The following SCMH1 variants were observed in gnomAD, a reference collection of about 807,000 sequenced individuals.
The protein encoded by SCMH1 is Scm polycomb group protein homolog 1, also known as polycomb protein SCMH1.
In SCMH1, 37 loss-of-function variants were observed where a neutral mutation model predicts 70.8. The ratio of observed to expected loss-of-function variants is 0.52; its 90% CI spans 0.40 to 0.69. The LOEUF (loss-of-function observed/expected upper bound fraction) is 0.69. Among genes scored for constraint, SCMH1 ranks in the 30% least tolerant of loss-of-function variants. The pLI, the probability that SCMH1 is intolerant of heterozygous loss-of-function variation, is 0.00. For synonymous variants in SCMH1, 292 were observed against 307.4 expected, an observed-to-expected ratio of 0.95 and a Z score of 0.52; for missense variants, 607 against 827.3, an observed-to-expected ratio of 0.73 and a Z score of 3.27.
At chr1:41,185,064 C>T (rs568714047) in intron 2 of SCMH1, among the ~76,000 whole-genome samples, 2 of 152,270 alleles carry the variant, frequency 1.3e-5, no homozygotes, top group South Asian at 4.1e-4. Flanking sequence ...GTAGCTTCCT[C>T]TTAAATCTTG....
chr1:41,236,241 G>T (rs1335652415), intron 1 of SCMH1, among the ~76,000 whole-genome samples: 1 of 152,188 alleles, frequency 6.6e-6, no homozygotes, highest in Non-Finnish European at 1.5e-5. Context: ...TAATGGTCCA[G>T]ATATAGTGGA....
At chr1:41,085,636 A>C (rs1661385635) in intron 8 of SCMH1, among the ~76,000 whole-genome samples, 1 of 152,196 alleles carries the variant, frequency 6.6e-6, no homozygotes, top group Non-Finnish European at 1.5e-5. Context: ...AGCACTAGAC[A>C]CATGTGGCTC....
At chr1:41,077,602 T>C (rs1045110691) in intron 8 of SCMH1, among the ~76,000 whole-genome samples, 54 of 152,058 alleles carry the variant, frequency 3.6e-4, no homozygotes, top group African/African-American at 1.3e-3. Flanking sequence ...CTCTCAAGGG[T>C]AGGACAATCT....
chr1:41,130,426 CT>C (rs1674367846), intron 6 of SCMH1, among the ~76,000 whole-genome samples: 1 of 151,918 alleles, frequency 6.6e-6, no homozygotes, highest in African/African-American at 2.4e-5. Flanking sequence ...GTTGCCTGTG[CT>C]TTTGGTGTCA....
intron 11 of SCMH1, among the ~76,000 whole-genome samples, chr1:41,047,889 C>T (rs1047794788): frequency 7.9e-5 from 12 of 152,184 alleles, no homozygotes; most frequent in African/African-American, 1.2e-4. Flanking sequence ...CTATTCTCCC[C>T]TTCTCCTGAC....
At chr1:41,095,317 C>T (rs1383580141) in intron 8 of SCMH1, among the ~76,000 whole-genome samples, 4 of 152,132 alleles carry the variant, frequency 2.6e-5, no homozygotes, top group African/African-American at 9.7e-5. Flanking sequence ...AAAACAGAGG[C>T]TAACCTATAT....
chr1:41,141,585 A>G (rs111985769), intron 6 of SCMH1, among the ~76,000 whole-genome samples: 12 of 152,332 alleles, frequency 7.9e-5, no homozygotes, highest in Admixed American at 2.0e-4. Flanking sequence ...TTAGCTACCA[A>G]TTTTAGGAAC....
At chr1:41,078,964 T>C (rs926641773) in intron 8 of SCMH1, among the ~76,000 whole-genome samples, 2 of 152,230 alleles carry the variant, frequency 1.3e-5, no homozygotes, top group Non-Finnish European at 2.9e-5. Flanking sequence ...GTGACAGTAA[T>C]AGCACAGAGG....
Position 41,113,645 on chromosome 1 carries a change from A to G in SCMH1, c.502-119T>C. 1.1e-6 allele frequency: 1 copy of G among 898,650 alleles called. No individual in the cohort carries two copies. Among genetic ancestry groups the G allele is most frequent in the Non-Finnish European group, 1.5e-6 (1 of 653,254 alleles). The allele number at this position is 898,650 out of a possible 1,614,324, so 55.7% of individuals were successfully genotyped here. On this transcript the variant is annotated intron_variant, in intron 7 of 14. Coordinates refer to ENST00000337495, the Ensembl canonical transcript of SCMH1. The surrounding 1 kb of genome is among the most constrained non-coding windows in gnomAD (Gnocchi z 4.3). Reference sequence around the variant, plus strand: ...GCTACATGAGACTTATAATGGATATATAGCCTTTCTTTTAAATTAATTTTA... The same window carrying G: ...GCTACATGAGACTTATAATGGATATGTAGCCTTTCTTTTAAATTAATTTTA...
intron 13 of SCMH1, among the ~76,000 whole-genome samples, chr1:41,029,519 C>T (rs1571104549): frequency 6.6e-6 from 1 of 152,312 alleles, no homozygotes; most frequent in South Asian, 2.1e-4. Context: ...TTTGCTTTGG[C>T]TGCCAGGAAT....
intron 8 of SCMH1, among the ~76,000 whole-genome samples, chr1:41,078,270 AAT>A (rs921187690): frequency 2.1e-4 from 32 of 152,188 alleles, no homozygotes; most frequent in African/African-American, 7.7e-4. Context: ...ATAGGTCCAA[AAT>A]ATGAGTGGCT....
chr1:41,140,095 G>C lies in SCMH1; in HGVS notation c.412+2783C>G, dbSNP rs1411679657. 2.6e-5 allele frequency among the ~76,000 whole-genome samples: 4 copies of C among 152,074 alleles called. No homozygotes were observed. The East Asian group carries it at 5.8e-4, about 22-fold the overall frequency. On this transcript the variant is annotated intron_variant, in intron 6 of 14. Coordinates refer to ENST00000337495, the Ensembl canonical transcript of SCMH1. ...TGTTAATAATCAAACTGGTGGTAGT[G>C]TTGGTATTGTTATTCTGAGACTGTT...
intron 1 of SCMH1, among the ~76,000 whole-genome samples, chr1:41,212,299 T>C (rs955309963): frequency 8.5e-5 from 13 of 152,252 alleles, no homozygotes; most frequent in African/African-American, 2.9e-4. Context: ...ATTTTAGCTT[T>C]TCATTCCCTA....
At chr1:41,206,694 C>T (rs1051273412) in intron 1 of SCMH1, among the ~76,000 whole-genome samples, 9 of 152,040 alleles carry the variant, frequency 5.9e-5, no homozygotes, top group African/African-American at 1.9e-4. Flanking sequence ...ACAGAGAACA[C>T]CACAAAGATA....
intron 1 of SCMH1, among the ~76,000 whole-genome samples, chr1:41,194,696 C>T (rs1003033248): frequency 2.6e-5 from 4 of 152,042 alleles, no homozygotes; most frequent in South Asian, 2.1e-4. Flanking sequence ...GAAATATAAC[C>T]GCCTAAAATA....
intron 1 of SCMH1, among the ~76,000 whole-genome samples, chr1:41,227,523 C>T (rs1056934778): frequency 2.0e-5 from 3 of 152,118 alleles, no homozygotes; most frequent in African/African-American, 7.2e-5. Flanking sequence ...TATGATTCTA[C>T]TCATATGAAG....
intron 6 of SCMH1, among the ~76,000 whole-genome samples, chr1:41,132,995 T>G (rs899011158): frequency 6.6e-6 from 1 of 152,210 alleles, no homozygotes; most frequent in African/African-American, 2.4e-5. Context: ...AGCTTTGTCC[T>G]TTTTGCTTAG....
intron 1 of SCMH1, among the ~76,000 whole-genome samples, chr1:41,227,372 A>T (rs974721825): frequency 4.6e-5 from 7 of 152,062 alleles, no homozygotes; most frequent in African/African-American, 1.4e-4. Flanking sequence ...TTCCATAGTC[A>T]CTCTGTTTAA....
At chr1:41,046,291 GACC>G in intron 12 of SCMH1, 113 bp downstream of exon 12, 1 of 765,790 alleles carries the variant, frequency 1.3e-6, no homozygotes, top group Admixed American at 2.7e-5. Flanking sequence ...CAGAAAAGCA[GACC>G]TCTAGATAGT....
Sources: allele counts gnomAD v4.1 joint callset (sites outside exome capture counted in the v4.1 genomes callset), GRCh38; gene constraint gnomAD v4.1.1; non-coding constraint Gnocchi (gnomAD v3.1); transcripts MANE v1.5; gene names NCBI Gene and HGNC (gene_info 2026-07-23, HGNC 2026-07-21).